Variants in ABCC2 observed in about 807,000 individuals in gnomAD.
ABCC2 encodes the protein ATP binding cassette subfamily C member 2.
Under a neutral mutation model 173.4 loss-of-function variants are expected in ABCC2, and 157 were observed. That is an observed-to-expected ratio of 0.91 (90% CI 0.80 to 1.03). ABCC2 has a LOEUF of 1.03. Among genes scored for constraint, ABCC2 ranks in the 50% least tolerant of loss-of-function variants. The pLI, the probability that ABCC2 is intolerant of heterozygous loss-of-function variation, is 0.00. For missense variants in ABCC2, 1,822 were observed against 1,852.3 expected (o/e 0.98, Z 0.30); for synonymous variants, 657 against 693.5 (o/e 0.95, Z 0.83).
intron 7 of ABCC2, chr10:99,797,604 A>T (rs1481097646): frequency 2.4e-6 from 1 of 419,230 alleles, no homozygotes; most frequent in African/African-American, 2.0e-5. Flanking sequence ...TAGATTTTGC[A>T]CCTTGGTACA....
chr10:99,830,587 GGTT>G, intron 20 of ABCC2, 126 bp from the exon 21 acceptor site: 1 of 1,559,100 alleles, frequency 6.4e-7, no homozygotes, highest in Non-Finnish European at 8.8e-7. Flanking sequence ...GAAAGATCGG[GGTT>G]GTGTCAGTTT....
chr10:99,830,309 C>T lies in ABCC2; in HGVS notation c.2623C>T (p.His875Tyr). The T allele has an allele frequency of 3.7e-6, 6 of 1,614,108 alleles. No individual in the cohort carries two copies. The highest frequency in any genetic ancestry group is 1.6e-4 in the Middle Eastern group (1 of 6,062). The change falls in exon 20 of 32, where the codon CAT becomes TAT. Residue 875 changes from histidine (H) to tyrosine (Y), a missense_variant and splice_region_variant. Transcript: ENST00000647814. Reference sequence around the variant, plus strand: ...TAACCTCTACTGTGTCTCCCTAGTCCATGATGGCAGTGAAGAAGAAGACGA... The same window carrying T: ...TAACCTCTACTGTGTCTCCCTAGTCTATGATGGCAGTGAAGAAGAAGACGA... ...HTGPEEEATV[H>Y]DGSEEEDDDY... is the part of the protein sequence containing the mutation.
chr10:99,832,784 T>A (rs1048196854), intron 23 of ABCC2, among the ~76,000 whole-genome samples: 2 of 152,242 alleles, frequency 1.3e-5, no homozygotes, highest in African/African-American at 4.8e-5. Flanking sequence ...CTACCACAGA[T>A]CCTGGACCCC....
At position 99,804,239 on chromosome 10, in the gene ABCC2, A is replaced by G; in HGVS notation, c.1430A>G (p.Asn477Ser). Residue 477 changes from asparagine to serine, a missense_variant, in exon 10 of 32, where the codon AAT (asparagine) becomes AGT (serine). Transcript: ENST00000647814. Reference sequence around the variant, plus strand: ...GTGATGGTGCTTGTAATCCCAATTAATGCGATACTGTCCACCAAGAGTAAG... The same window carrying G: ...GTGATGGTGCTTGTAATCCCAATTAGTGCGATACTGTCCACCAAGAGTAAG... ...VGVMVLVIPINAILSTKSKTI... is the reference protein window; with the variant it reads ...VGVMVLVIPISAILSTKSKTI... The G allele has an allele frequency of 1.2e-6, 2 of 1,614,160 alleles. No homozygotes were observed. The highest frequency in any genetic ancestry group is 1.7e-6 in the Non-Finnish European group (2 of 1,180,010).
chr10:99,811,597 C>G lies in ABCC2; in HGVS notation c.1962C>G (p.Val654=). ...FTWEHDSEAT[V]RDVNLDIMAG... The stretch of plus-strand genomic sequence containing the variant: ...GGGAACATGATTCGGAAGCCACAGT[C>G]CGAGAGTGAGTTGCCTTCTTTCCAT... Residue 654 remains valine (V), a synonymous_variant, in exon 15 of 32, where the codon GTC becomes GTG. Transcript: ENST00000647814. 6.2e-7 allele frequency: 1 copy of G among 1,614,078 alleles called. No homozygotes were observed. Among genetic ancestry groups the G allele is most frequent in the Non-Finnish European group, 8.5e-7 (1 of 1,179,980 alleles).
intron 6 of ABCC2, among the ~76,000 whole-genome samples, chr10:99,796,882 C>T (rs1057068034): frequency 2.0e-5 from 3 of 152,084 alleles, no homozygotes; most frequent in Non-Finnish European, 4.4e-5. Context: ...AGCTGTCTTC[C>T]CCTTCTCTTG....
chr10:99,807,582 G>A, intron 12 of ABCC2, 61 bp downstream of exon 12: 11 of 1,609,524 alleles, frequency 6.8e-6, no homozygotes, highest in Non-Finnish European at 9.4e-6. Flanking sequence ...GCTTCCTGAA[G>A]AGGAAGTTCA....
intron 6 of ABCC2, chr10:99,794,748 T>C (rs951134885): frequency 2.7e-6 from 1 of 367,874 alleles, no homozygotes; most frequent in Non-Finnish European, 5.1e-6. Flanking sequence ...TTTCACCATG[T>C]TGGCCAAGCT....
intron 16 of ABCC2, among the ~76,000 whole-genome samples, chr10:99,815,101 C>T (rs1053147039): frequency 6.6e-6 from 1 of 152,002 alleles, no homozygotes; most frequent in Non-Finnish European, 1.5e-5. Context: ...CCCCTCGCCC[C>T]TCACTCCCCA....
chr10:99,827,755 AT>A, intron 19 of ABCC2, among the ~76,000 whole-genome samples: 1 of 150,852 alleles, frequency 6.6e-6, no homozygotes, highest in Non-Finnish European at 1.5e-5. Context: ...TTTTAAAAGA[AT>A]TTTAATAAAG....
chr10:99,787,400 A>C (rs1235031236), intron 2 of ABCC2, among the ~76,000 whole-genome samples: 1 of 152,144 alleles, frequency 6.6e-6, no homozygotes, highest in Non-Finnish European at 1.5e-5. Context: ...CAATGTGTTC[A>C]AGGTTTATCT....
intron 16 of ABCC2, among the ~76,000 whole-genome samples, chr10:99,814,378 C>CACGTATGTACACACACATGTAT (rs1564684750): frequency 4.2e-5 from 1 of 24,096 alleles, no homozygotes. Context: ...TATATATACA[C>CACGTATGTACACACACATGTAT]ATATATACAT....
chr10:99,842,470 T>C (rs1021278029), intron 26 of ABCC2, among the ~76,000 whole-genome samples: 3 of 152,164 alleles, frequency 2.0e-5, no homozygotes, highest in Admixed American at 6.5e-5. Flanking sequence ...CTGTGTTTAT[T>C]TTTCTTAGAT....
In ABCC2 at chr10:99,852,138, G is replaced by A. The variant is rs564923965; in HGVS notation, c.*507G>A. 6.3e-6 allele frequency: 1 copy of A among 157,630 alleles called. No individual in the cohort carries two copies. Among genetic ancestry groups the A allele is most frequent in the South Asian group, 1.8e-4 (1 of 5,508 alleles). The allele number at this position is 157,630 out of a possible 1,614,324, so 9.8% of individuals were successfully genotyped here. A position where few individuals can be genotyped will look rare whatever the true frequency, so the allele number is the denominator to read the frequency against. ...GCACAATGTATCAGTTTTAATATTG[G>A]GGATCATTAGCATTATTCTCAGGTT... On this transcript the variant is annotated 3_prime_UTR_variant, in exon 32 of 32. Transcript: ENST00000647814.
chr10:99,813,188 C>G (rs777859959), intron 16 of ABCC2, 44 bp downstream of exon 16: 1 of 1,606,126 alleles, frequency 6.2e-7, no homozygotes, highest in South Asian at 1.1e-5. Flanking sequence ...TCCCGAATGT[C>G]AGCAGCTTCG....
At chr10:99,850,221 GA>G (rs1406586864) in intron 30 of ABCC2, among the ~76,000 whole-genome samples, 1 of 152,216 alleles carries the variant, frequency 6.6e-6, no homozygotes, top group African/African-American at 2.4e-5. Context: ...TGTTGTTTTG[GA>G]AATGTTGATG....
In ABCC2 at chr10:99,793,895, G is replaced by A; in HGVS notation, c.472G>A (p.Asp158Asn). The A allele has an allele frequency of 6.2e-7, 1 of 1,613,070 alleles. No homozygotes were observed. Among genetic ancestry groups the A allele is most frequent in the Non-Finnish European group, 8.5e-7 (1 of 1,179,162 alleles). Residue 158 changes from aspartate (D) to asparagine (N), a missense_variant, in exon 5 of 32, where the codon GAC (aspartate) becomes AAC (asparagine). Physicochemically the swap from Asp to Asn is conservative, Grantham distance 23 (BLOSUM62 1). Coordinates refer to ENST00000647814, the MANE Select transcript of ABCC2 (RefSeq NM_000392.5). ...QTLIRTLLQGDNSNLAYSCLF... is the reference protein window; with the variant it reads ...QTLIRTLLQGNNSNLAYSCLF... The stretch of plus-strand genomic sequence containing the variant: ...CTCTTTGTTTTTTTCCTCATAGGGT[G>A]ACAATTCTAATCTAGCCTACTCCTG...
chr10:99,833,548 G>T (rs1305383533), intron 23 of ABCC2, among the ~76,000 whole-genome samples: 2 of 152,154 alleles, frequency 1.3e-5, no homozygotes, highest in African/African-American at 4.8e-5. Context: ...GAAAGATGGA[G>T]ACTCTGTGCC....
intron 5 of ABCC2, 147 bp from the exon 6 acceptor site, chr10:99,794,266 A>G (rs2037858559): frequency 1.2e-6 from 1 of 840,706 alleles, no homozygotes; most frequent in African/African-American, 1.7e-5. Context: ...GGGTCTCCAA[A>G]TAAACACATG....
Sources: allele counts gnomAD v4.1 joint callset (sites outside exome capture counted in the v4.1 genomes callset), GRCh38; gene constraint gnomAD v4.1.1; transcripts MANE v1.5; gene names NCBI Gene and HGNC (gene_info 2026-07-23, HGNC 2026-07-21).